TDRD5: variants seen among roughly 807,000 people sequenced by gnomAD.
The protein encoded by TDRD5 is tudor domain-containing protein 5.
TDRD5 carries 41 observed loss-of-function variants against 120.6 expected under a neutral mutation model. The ratio of observed to expected loss-of-function variants is 0.34; its 90% CI spans 0.26 to 0.44. The LOEUF is 0.44. Ranked by LOEUF, TDRD5 falls within the 20% of genes least tolerant of loss-of-function variation. The pLI is 1.00. For synonymous variants in TDRD5, 430 were observed against 433.7 expected, an observed-to-expected ratio of 0.99 and a Z score of 0.11; for missense variants, 1,006 against 1,221.2, an observed-to-expected ratio of 0.82 and a Z score of 2.63.
intron 6 of TDRD5, among the ~76,000 whole-genome samples, chr1:179,626,861 A>C (rs942315270): frequency 1.3e-5 from 2 of 152,346 alleles, no homozygotes; most frequent in African/African-American, 4.8e-5. Flanking sequence ...AGAAGGAAAC[A>C]GAATGAAGCC....
At chr1:179,601,263 T>C (rs1022221922) in intron 4 of TDRD5, among the ~76,000 whole-genome samples, 13 of 152,158 alleles carry the variant, frequency 8.5e-5, no homozygotes, top group Non-Finnish European at 1.6e-4. Flanking sequence ...GGGTTTTTGT[T>C]TGTTTGTTTT....
chr1:179,602,299 A>G (rs1316222631), intron 4 of TDRD5, among the ~76,000 whole-genome samples: 3 of 152,078 alleles, frequency 2.0e-5, no homozygotes, highest in Non-Finnish European at 4.4e-5. Context: ...CATTTCCCTG[A>G]TCATTAGTGA....
At chr1:179,638,978 A>G (rs1677904133) in intron 9 of TDRD5, among the ~76,000 whole-genome samples, 2 of 152,172 alleles carry the variant, frequency 1.3e-5, no homozygotes, top group Admixed American at 6.5e-5. Flanking sequence ...AAAGAGGAGA[A>G]TGGGCATTGA....
intron 14 of TDRD5, among the ~76,000 whole-genome samples, chr1:179,659,580 T>C (rs1038171145): frequency 3.5e-5 from 5 of 144,366 alleles, no homozygotes; most frequent in African/African-American, 1.0e-4. Flanking sequence ...TGTGTGTGTG[T>C]GTGTGTGTGT....
chr1:179,676,858 G>C (rs999797895), intron 17 of TDRD5, among the ~76,000 whole-genome samples: 1 of 152,142 alleles, frequency 6.6e-6, no homozygotes, highest in Non-Finnish European at 1.5e-5. Context: ...AATTTCCCAG[G>C]TGTTCTTTGA....
intron 14 of TDRD5, among the ~76,000 whole-genome samples, chr1:179,661,759 G>T (rs1489440679): frequency 6.6e-6 from 1 of 152,018 alleles, no homozygotes; most frequent in African/African-American, 2.4e-5. Flanking sequence ...ACAAATTTCT[G>T]AGTTTTTGAG....
chr1:179,595,951 T>A, intron 4 of TDRD5, 133 bp downstream of exon 4: 1 of 854,606 alleles, frequency 1.2e-6, no homozygotes, highest in East Asian at 2.9e-5. Context: ...GACTAAGCAT[T>A]TCCTATGGTT....
chr1:179,629,942 G>C (rs1441410778), intron 6 of TDRD5, among the ~76,000 whole-genome samples: 1 of 151,546 alleles, frequency 6.6e-6, no homozygotes, highest in Non-Finnish European at 1.5e-5. Flanking sequence ...TGTATGCTAT[G>C]GGAAATACAC....
chr1:179,644,114 T>C (rs915079586), intron 11 of TDRD5, among the ~76,000 whole-genome samples: 1 of 152,154 alleles, frequency 6.6e-6, no homozygotes, highest in Non-Finnish European at 1.5e-5. Context: ...ATGTAAAAAC[T>C]GAGCTTGTCA....
At chr1:179,632,220 C>T (rs1677496792) in intron 7 of TDRD5, among the ~76,000 whole-genome samples, 1 of 151,956 alleles carries the variant, frequency 6.6e-6, no homozygotes, top group Non-Finnish European at 1.5e-5. Flanking sequence ...CCTTCTTTTT[C>T]TTTTGAAGTT....
intron 4 of TDRD5, among the ~76,000 whole-genome samples, chr1:179,602,692 T>C (rs956258824): frequency 3.3e-5 from 5 of 152,160 alleles, no homozygotes; most frequent in Non-Finnish European, 7.4e-5. Flanking sequence ...GCTGTAAGTA[T>C]TTGGGTTTAT....
intron 16 of TDRD5, among the ~76,000 whole-genome samples, chr1:179,664,328 T>C (rs936276829): frequency 2.0e-5 from 3 of 152,178 alleles, no homozygotes; most frequent in Non-Finnish European, 4.4e-5. Context: ...ATAATTGATA[T>C]ACCATTATAA....
intron 16 of TDRD5, among the ~76,000 whole-genome samples, chr1:179,667,378 A>G (rs1020579284): frequency 6.6e-6 from 1 of 152,208 alleles, no homozygotes; most frequent in Non-Finnish European, 1.5e-5. Context: ...GTTTCTGTAT[A>G]TTATCTATTA....
intron 17 of TDRD5, among the ~76,000 whole-genome samples, chr1:179,681,761 C>T (rs1186451063): frequency 6.7e-6 from 1 of 149,162 alleles, no homozygotes; most frequent in East Asian, 2.0e-4. Context: ...CACCCTTCGC[C>T]CCGTTTTCTT....
intron 14 of TDRD5, among the ~76,000 whole-genome samples, chr1:179,661,213 T>A (rs998112985): frequency 1.3e-5 from 2 of 152,206 alleles, no homozygotes; most frequent in Non-Finnish European, 2.9e-5. Flanking sequence ...TCTGTAGATT[T>A]ATGTCTTTCA....
At chr1:179,684,154 C>T (rs1379480280) in intron 17 of TDRD5, among the ~76,000 whole-genome samples, 3 of 152,052 alleles carry the variant, frequency 2.0e-5, no homozygotes, top group African/African-American at 4.8e-5. Flanking sequence ...CCCATTAACT[C>T]GTCATTTACA....
intron 14 of TDRD5, among the ~76,000 whole-genome samples, chr1:179,655,601 TCA>T (rs1678963357): frequency 6.6e-6 from 1 of 152,230 alleles, no homozygotes; most frequent in South Asian, 2.1e-4. Flanking sequence ...TGCTTTGTAA[TCA>T]CAGTCTCCCC....
At chr1:179,625,055 C>T (rs1677045726) in intron 6 of TDRD5, among the ~76,000 whole-genome samples, 1 of 150,160 alleles carries the variant, frequency 6.7e-6, no homozygotes, top group Non-Finnish European at 1.5e-5. Flanking sequence ...GGAAAGATTA[C>T]TTAAAGCCAG....
At chr1:179,594,792 G>T (rs1479768511) in intron 3 of TDRD5, among the ~76,000 whole-genome samples, 2 of 152,222 alleles carry the variant, frequency 1.3e-5, no homozygotes, top group Non-Finnish European at 2.9e-5. Flanking sequence ...GATATACTTG[G>T]ATAGGGAAGG....
Sources: gnomAD v4.1 joint callset for allele counts (sites outside exome capture counted in the v4.1 genomes callset) on GRCh38, gnomAD v4.1.1 for gene constraint, MANE v1.5 for transcripts, NCBI Gene and HGNC (gene_info 2026-07-23, HGNC 2026-07-21) for gene names.